TRPC5: variants seen among roughly 807,000 people sequenced by gnomAD.
The protein encoded by TRPC5 is transient receptor potential cation channel subfamily C member 5.
A neutral mutation model predicts 56.5 loss-of-function variants in TRPC5; 9 were observed. That is an observed-to-expected ratio of 0.16 (90% CI 0.10 to 0.28). The LOEUF (loss-of-function observed/expected upper bound fraction) is 0.28. Ranked by LOEUF, TRPC5 falls within the 10% of genes least tolerant of loss-of-function variation. The pLI, the probability that TRPC5 is intolerant of heterozygous loss-of-function variation, is 1.00. For missense variants in TRPC5, 469 were observed against 748.9 expected, an observed-to-expected ratio of 0.63 and a Z score of 4.36; for synonymous variants, 282 against 278.5, an observed-to-expected ratio of 1.01 and a Z score of -0.13.
At chrX:111,973,836 A>C (rs1020558425) in intron 1 of TRPC5, among the ~76,000 whole-genome samples, 2 of 112,025 alleles carry the variant, frequency 1.8e-5, no homozygotes, top group African/African-American at 6.5e-5. Flanking sequence ...TCCTGAGGTT[A>C]TTTATATCTA....
chrX:111,875,361 G>C (rs1175104471), intron 3 of TRPC5, among the ~76,000 whole-genome samples: 2 of 110,778 alleles, frequency 1.8e-5, no homozygotes, highest in Non-Finnish European at 3.8e-5. Context: ...AAAGACTGAA[G>C]TTTAGGGCCA....
intron 1 of TRPC5, among the ~76,000 whole-genome samples, chrX:111,968,965 T>TA (rs1927695371): frequency 1.1e-5 from 1 of 93,929 alleles, no homozygotes; most frequent in African/African-American, 4.0e-5. Flanking sequence ...CCCTAAAACT[T>TA]AAAGTATAAT....
chrX:111,923,358 C>T (rs1369601067), intron 2 of TRPC5, among the ~76,000 whole-genome samples: 1 of 111,619 alleles, frequency 9.0e-6, no homozygotes, highest in African/African-American at 3.3e-5. Context: ...CTTGAGTTTT[C>T]ATCACATAGA....
intron 2 of TRPC5, among the ~76,000 whole-genome samples, chrX:111,942,012 G>A (rs1926793760): frequency 8.9e-6 from 1 of 111,916 alleles, no homozygotes; most frequent in Non-Finnish European, 1.9e-5. Flanking sequence ...GCCAGTCTCA[G>A]CAAGAGAGAC....
intron 7 of TRPC5, among the ~76,000 whole-genome samples, chrX:111,826,912 G>T (rs895609803): frequency 5.4e-5 from 6 of 111,477 alleles, no homozygotes; most frequent in Admixed American, 1.9e-4. Flanking sequence ...AGACTGAACA[G>T]TTCAGAGTTG....
intron 1 of TRPC5, among the ~76,000 whole-genome samples, chrX:112,034,858 GT>G (rs748162189): frequency 9.4e-5 from 9 of 95,308 alleles, no homozygotes; most frequent in South Asian, 4.9e-4. Flanking sequence ...ATCTCTTCTC[GT>G]TTTTTTTTTC....
intron 3 of TRPC5, chrX:111,902,061 A>T (rs1332266463): frequency 8.7e-7 from 1 of 1,155,183 alleles, no homozygotes; most frequent in East Asian, 3.3e-5. Flanking sequence ...TCAGACTTAG[A>T]CTCAATACTT....
intron 1 of TRPC5, among the ~76,000 whole-genome samples, chrX:111,962,431 G>A (rs1054956136): frequency 4.5e-5 from 5 of 112,108 alleles, no homozygotes; most frequent in African/African-American, 1.6e-4. Context: ...GAAAGATTGA[G>A]GAACCCTTCA....
chrX:111,956,358 C>T (rs186481637), intron 1 of TRPC5, among the ~76,000 whole-genome samples: 157 of 112,045 alleles, frequency 1.4e-3, no homozygotes, highest in African/African-American at 5.0e-3. Flanking sequence ...TTGTTTATCT[C>T]TCCAGGGCCT....
At chrX:111,818,260 T>C (rs972106923) in intron 7 of TRPC5, among the ~76,000 whole-genome samples, 2 of 112,385 alleles carry the variant, frequency 1.8e-5, no homozygotes, top group African/African-American at 6.5e-5. Context: ...CATCAGTTCG[T>C]AGCTCAAGTA....
intron 7 of TRPC5, among the ~76,000 whole-genome samples, chrX:111,798,525 A>C (rs1056348517): frequency 8.9e-6 from 1 of 112,206 alleles, no homozygotes; most frequent in Non-Finnish European, 1.9e-5. Context: ...AAGTACTCCC[A>C]AGAAACAGAA....
At chrX:112,069,709 T>C (rs187703810) in intron 1 of TRPC5, among the ~76,000 whole-genome samples, 6 of 112,270 alleles carry the variant, frequency 5.3e-5, no homozygotes, top group Non-Finnish European at 9.4e-5. Flanking sequence ...TGACTTCTGC[T>C]CTGCCTTTAG....
chrX:112,012,377 T>C (rs989827578), intron 1 of TRPC5, among the ~76,000 whole-genome samples: 1 of 111,352 alleles, frequency 9.0e-6, no homozygotes, highest in African/African-American at 3.3e-5. Flanking sequence ...TCTTTTTTTT[T>C]CTTTTCTTTT....
chrX:112,047,061 T>C (rs917871418), intron 1 of TRPC5, among the ~76,000 whole-genome samples: 2 of 111,775 alleles, frequency 1.8e-5, no homozygotes, highest in Admixed American at 1.9e-4. Context: ...ACTCTTGTCT[T>C]ATTTCCTTAT....
intron 3 of TRPC5, among the ~76,000 whole-genome samples, chrX:111,901,162 T>G (rs1428237873): frequency 9.0e-6 from 1 of 111,658 alleles, no homozygotes; most frequent in Non-Finnish European, 1.9e-5. Context: ...TCTGGAAACT[T>G]TAATGAATGG....
chrX:111,867,825 C>T (rs769037683), intron 3 of TRPC5, among the ~76,000 whole-genome samples: 1 of 112,256 alleles, frequency 8.9e-6, no homozygotes, highest in South Asian at 3.7e-4. Context: ...GTAGCATCCC[C>T]AAACCCACAC....
chrX:111,794,548 T>A (rs1018621368), intron 7 of TRPC5, among the ~76,000 whole-genome samples: 1 of 112,176 alleles, frequency 8.9e-6, no homozygotes, highest in Non-Finnish European at 1.9e-5. Context: ...TTTCATTTTC[T>A]TTGCAGTGAT....
At chrX:111,980,179 G>A (rs1603128855) in intron 1 of TRPC5, among the ~76,000 whole-genome samples, 1 of 111,644 alleles carries the variant, frequency 9.0e-6, no homozygotes, top group South Asian at 3.8e-4. Flanking sequence ...CTACAATATT[G>A]ATAAATTTCA....
At chrX:111,891,052 T>C (rs920173516) in intron 3 of TRPC5, among the ~76,000 whole-genome samples, 1 of 112,258 alleles carries the variant, frequency 8.9e-6, no homozygotes, top group Non-Finnish European at 1.9e-5. Context: ...ATGATCTTGT[T>C]TTTTATGGCT....
Sources: allele counts gnomAD v4.1 joint callset (sites outside exome capture counted in the v4.1 genomes callset), GRCh38; gene constraint gnomAD v4.1.1; transcripts MANE v1.5; gene names NCBI Gene and HGNC (gene_info 2026-07-23, HGNC 2026-07-21).